Variants in SH2D4B observed in about 807,000 individuals in gnomAD.
The protein encoded by SH2D4B is SH2 domain containing 4B, also known as SH2 domain-containing protein 4B.
SH2D4B carries 45 observed loss-of-function variants against 61.5 expected under a neutral mutation model. The observed-to-expected ratio is 0.73, with a 90% CI of 0.58 to 0.94. SH2D4B has a LOEUF of 0.94. Ranked by LOEUF, SH2D4B falls within the 40% of genes least tolerant of loss-of-function variation. The pLI, the probability that SH2D4B is intolerant of heterozygous loss-of-function variation, is 0.00. For missense variants in SH2D4B, 572 were observed against 574.2 expected (o/e 1.00, Z 0.04); for synonymous variants, 224 against 220.4 (o/e 1.02, Z -0.14).
At chr10:80,624,424 G>T (rs751644676) in intron 6 of SH2D4B, among the ~76,000 whole-genome samples, 4 of 152,118 alleles carry the variant, frequency 2.6e-5, no homozygotes, top group Admixed American at 6.5e-5. Context: ...ACCTTCATAG[G>T]ACCTATCCTA....
intron 4 of SH2D4B, 63 bp downstream of exon 4, chr10:80,588,840 A>G (rs920582722): frequency 2.5e-4 from 401 of 1,589,014 alleles, no homozygotes; most frequent in Non-Finnish European, 3.2e-4. Context: ...CCTCCTCCCA[A>G]TGCTGATGTA....
chr10:80,642,597 G>A (rs191700095), intron 7 of SH2D4B, among the ~76,000 whole-genome samples: 8 of 152,270 alleles, frequency 5.3e-5, no homozygotes, highest in Admixed American at 2.6e-4. Flanking sequence ...ATGTTAATCC[G>A]TATACCAAAC....
intron 6 of SH2D4B, among the ~76,000 whole-genome samples, chr10:80,623,725 G>A (rs761616721): frequency 1.3e-5 from 2 of 152,114 alleles, no homozygotes; most frequent in Non-Finnish European, 2.9e-5. Context: ...TACATGAATC[G>A]TGAGGTGCTT....
intron 4 of SH2D4B, among the ~76,000 whole-genome samples, chr10:80,593,074 G>C (rs372306425): frequency 6.6e-6 from 1 of 152,136 alleles, no homozygotes; most frequent in African/African-American, 2.4e-5. Flanking sequence ...TCTTATGCCA[G>C]TATGACATAG....
Position 80,569,573 on chromosome 10 carries a change from C to A in SH2D4B, c.185-581C>A, listed in dbSNP as rs146326988. Among the ~76,000 whole-genome samples the A allele has an allele frequency of 8.2e-3, 1,246 of 151,834 alleles. 15 individuals are homozygous for A. The highest frequency in any genetic ancestry group is 0.028 in the South Asian group (132 of 4,796). ...GGGGGGGTTGAGATCAAAGGGTGAG[C>A]AATGACTATGGACATCTGGGTGGCA... On this transcript the variant is annotated intron_variant, in intron 1 of 7. Coordinates refer to ENST00000646907, the MANE Select transcript of SH2D4B (RefSeq NM_001388272.1).
rs538514231 is a variant in SH2D4B, at chr10:80,594,337, C to A, written c.643+5560C>A. On this transcript the variant is annotated intron_variant, in intron 4 of 7. Transcript: ENST00000646907. ...AGTCTCACATTCCTGGGATAAATCC[C>A]ACTTCTTTATAGCATATAATCCTGT... Among the ~76,000 whole-genome samples, 46 of 152,246 alleles carry A rather than the reference C, an allele frequency of 3.0e-4. No homozygotes were observed. In the South Asian group the frequency reaches 6.8e-3, roughly 23 times the overall value.
At chr10:80,576,258 A>G (rs1842123946) in intron 3 of SH2D4B, among the ~76,000 whole-genome samples, 1 of 152,250 alleles carries the variant, frequency 6.6e-6, no homozygotes, top group Admixed American at 6.5e-5. Context: ...CCAGACTCTC[A>G]TGTTCACTGA....
chr10:80,578,464 C>T (rs115725904), intron 3 of SH2D4B, among the ~76,000 whole-genome samples: 1,656 of 152,142 alleles, frequency 0.011, 30 homozygotes, highest in African/African-American at 0.038. Context: ...GTGCCAACCA[C>T]ACCCCGGGGA....
At position 80,603,601 on chromosome 10, in the gene SH2D4B, T is replaced by A. The variant is rs781677060; in HGVS notation, c.666T>A (p.Asp222Glu). The A allele has an allele frequency of 6.4e-7, 1 of 1,567,876 alleles. No individual in the cohort carries two copies. The highest frequency in any genetic ancestry group is 8.6e-7 in the Non-Finnish European group (1 of 1,156,294). ...EEQLRRSKAADEERSRRAQRA... is the reference protein window; with the variant it reads ...EEQLRRSKAAEEERSRRAQRA... ...CAGTGCGCCGGTCCAAGGCGGCTGA[T>A]GAGGAGAGGAGCCGCCGAGCCCAGC... The change falls in exon 5 of 8, where the codon GAT becomes GAA. Residue 222 changes from aspartate (D) to glutamate (E), a missense_variant. By Grantham distance (45) the Asp-to-Glu change is conservative (BLOSUM62 2). Coordinates refer to ENST00000646907, the MANE Select transcript of SH2D4B (RefSeq NM_001388272.1).
At chr10:80,580,347 C>T (rs1842173856) in intron 3 of SH2D4B, among the ~76,000 whole-genome samples, 1 of 152,140 alleles carries the variant, frequency 6.6e-6, no homozygotes, top group Non-Finnish European at 1.5e-5. Context: ...CCCTATACAT[C>T]AAAAGGCAAA....
chr10:80,556,804 T>G (rs1369615589), intron 1 of SH2D4B, among the ~76,000 whole-genome samples: 1 of 152,202 alleles, frequency 6.6e-6, no homozygotes, highest in Non-Finnish European at 1.5e-5. Flanking sequence ...TTTTGGTAGA[T>G]TCTTTGAGAT....
chr10:80,570,442 A>G (rs1842028073), intron 2 of SH2D4B, 126 bp downstream of exon 2: 2 of 1,223,808 alleles, frequency 1.6e-6, no homozygotes, highest in South Asian at 1.6e-5. Context: ...CTGGTCTCAA[A>G]CTCCTGACCT....
chr10:80,635,125 G>T (rs1277385006), intron 7 of SH2D4B, among the ~76,000 whole-genome samples: 1 of 152,292 alleles, frequency 6.6e-6, no homozygotes, highest in East Asian at 1.9e-4. Context: ...ACAGAGCAGC[G>T]CTTTGTGACT....
intron 4 of SH2D4B, among the ~76,000 whole-genome samples, chr10:80,601,478 A>G (rs17107308): frequency 0.12 from 17,709 of 152,308 alleles, 1,210 homozygotes; most frequent in East Asian, 0.25. Context: ...CTAGTGCAGC[A>G]CTAAATACTT....
intron 7 of SH2D4B, among the ~76,000 whole-genome samples, chr10:80,635,089 C>G (rs1842881494): frequency 6.6e-6 from 1 of 152,140 alleles, no homozygotes; most frequent in Non-Finnish European, 1.5e-5. Context: ...TAGCTCGGAC[C>G]CTGTGAGCAT....
In SH2D4B at chr10:80,633,914, GC is replaced by G. The variant is rs1022682773; in HGVS notation, c.989-370del. Reference sequence around the variant, plus strand: ...TAGTCTTTAAAGCAGGCCTCTTAAGGCTTTTCACAAGCCTGTTGACTTATAT... The same window carrying G: ...TAGTCTTTAAAGCAGGCCTCTTAAGGTTTTCACAAGCCTGTTGACTTATAT... On this transcript the variant is annotated intron_variant, in intron 6 of 7. Coordinates refer to ENST00000646907, the MANE Select transcript of SH2D4B (RefSeq NM_001388272.1). Among the ~76,000 whole-genome samples, 3 of 152,182 alleles carry G rather than the reference GC, an allele frequency of 2.0e-5. 1 individual carries two copies. Among genetic ancestry groups the G allele is most frequent in the African/African-American group, 7.2e-5 (3 of 41,442 alleles).
At chr10:80,553,611 G>T (rs955021117) in intron 1 of SH2D4B, among the ~76,000 whole-genome samples, 1 of 152,212 alleles carries the variant, frequency 6.6e-6, no homozygotes, top group African/African-American at 2.4e-5. Context: ...GCAAGAGAGG[G>T]TCCAGGCTTC....
At chr10:80,563,329 T>C (rs571760245) in intron 1 of SH2D4B, among the ~76,000 whole-genome samples, 8 of 152,236 alleles carry the variant, frequency 5.3e-5, no homozygotes, top group Non-Finnish European at 1.0e-4. Context: ...GTTTGAGTCC[T>C]TATATATTTT....
intron 7 of SH2D4B, among the ~76,000 whole-genome samples, chr10:80,640,298 G>A (rs1402214858): frequency 1.3e-5 from 2 of 152,106 alleles, no homozygotes; most frequent in Admixed American, 6.6e-5. Flanking sequence ...GTATCTTTGT[G>A]GTGTTCTCTG....
Sources: gnomAD v4.1 joint callset for allele counts (sites outside exome capture counted in the v4.1 genomes callset) on GRCh38, gnomAD v4.1.1 for gene constraint, MANE v1.5 for transcripts, NCBI Gene and HGNC (gene_info 2026-07-23, HGNC 2026-07-21) for gene names.